Variants in ATP8B4 observed in about 807,000 individuals in gnomAD.
ATP8B4 encodes probable phospholipid-transporting ATPase IM.
In ATP8B4, 133 loss-of-function variants were observed where a neutral mutation model predicts 145.6. The ratio of observed to expected loss-of-function variants is 0.91; its 90% confidence interval spans 0.79 to 1.05. The LOEUF is 1.05. Ranked by LOEUF, ATP8B4 falls within the 50% of genes least tolerant of loss-of-function variation. ATP8B4 has a pLI of 0.00. For synonymous variants in ATP8B4, 507 were observed against 492.9 expected (o/e 1.03, Z -0.38); for missense variants, 1,458 against 1,425.2 (o/e 1.02, Z -0.37).
At chr15:50,111,496 C>G (rs2056940422) in intron 1 of ATP8B4, among the ~76,000 whole-genome samples, 1 of 152,174 alleles carries the variant, frequency 6.6e-6, no homozygotes, top group Non-Finnish European at 1.5e-5. Context: ...AATTATGGTC[C>G]AAAGTCTACA....
At chr15:50,027,576 C>T (rs2050108130) in intron 6 of ATP8B4, among the ~76,000 whole-genome samples, 2 of 152,204 alleles carry the variant, frequency 1.3e-5, no homozygotes, top group African/African-American at 4.8e-5. Flanking sequence ...TGTTTGTGTG[C>T]TCTCCTCCAT....
chr15:49,916,909 C>A lies in ATP8B4; in HGVS notation c.2141+25G>T, dbSNP rs74644953. 1,399 of 1,599,514 alleles carry A rather than the reference C, an allele frequency of 8.7e-4. 15 individuals are homozygous for A. In the African/African-American group the frequency reaches 0.017, roughly 20 times the overall value. The stretch of plus-strand genomic sequence containing the variant: ...CCTCCCTCCCTCTCGTCCTTCCATC[C>A]TTTCCTCCTTCCTTCAACACCTACC... On this transcript the variant is annotated intron_variant, in intron 20 of 27. Coordinates refer to ENST00000284509, the MANE Select transcript of ATP8B4 (RefSeq NM_024837.4).
chr15:49,941,270 G>A (rs1467406390), intron 14 of ATP8B4, among the ~76,000 whole-genome samples: 2 of 152,122 alleles, frequency 1.3e-5, no homozygotes, highest in Non-Finnish European at 2.9e-5. Flanking sequence ...GTCAAGAGGA[G>A]GTTCCTGGAC....
At chr15:49,881,622 C>T (rs563285697) in intron 23 of ATP8B4, among the ~76,000 whole-genome samples, 7 of 152,266 alleles carry the variant, frequency 4.6e-5, no homozygotes, top group African/African-American at 9.6e-5. Flanking sequence ...ATGAGAGAAC[C>T]TGCAGAAGGG....
rs191557346 is a variant in ATP8B4 at position 49,930,846 on chromosome 15, T to C, written c.1642+273A>G. ...TAATTCATGGAGAGCATTTTTGTGG[T>C]TTATTTTTAAAATTTTTTTATATTT... On this transcript the variant is annotated intron_variant, in intron 16 of 27. Transcript: ENST00000284509. 2.2e-3 allele frequency among the ~76,000 whole-genome samples: 337 copies of C among 152,182 alleles called. 1 individual carries two copies. The highest frequency in any genetic ancestry group is 7.8e-3 in the African/African-American group (325 of 41,542).
intron 1 of ATP8B4, among the ~76,000 whole-genome samples, chr15:50,170,061 T>C (rs2044649329): frequency 6.6e-6 from 1 of 152,104 alleles, no homozygotes; most frequent in African/African-American, 2.4e-5. Flanking sequence ...AACTCATCAG[T>C]GTACCTGAGG....
chr15:50,169,738 G>T (rs1459341185), intron 1 of ATP8B4, among the ~76,000 whole-genome samples: 2 of 152,146 alleles, frequency 1.3e-5, no homozygotes, highest in Non-Finnish European at 2.9e-5. Flanking sequence ...ATCTGGGAGG[G>T]ACCAGAGAAA....
intron 10 of ATP8B4, among the ~76,000 whole-genome samples, chr15:49,986,692 GA>G (rs1319449847): frequency 6.6e-6 from 1 of 152,202 alleles, no homozygotes; most frequent in Non-Finnish European, 1.5e-5. Flanking sequence ...CAATAAACAG[GA>G]CTTTTAAAAT....
chr15:50,080,145 C>G (rs1046207226), intron 2 of ATP8B4, among the ~76,000 whole-genome samples: 1 of 152,130 alleles, frequency 6.6e-6, no homozygotes, highest in Non-Finnish European at 1.5e-5. Context: ...ACGATAATAA[C>G]CTTAAATCCC....
At chr15:49,919,670 G>T (rs1186541318) in intron 18 of ATP8B4, among the ~76,000 whole-genome samples, 1 of 152,092 alleles carries the variant, frequency 6.6e-6, no homozygotes, top group Non-Finnish European at 1.5e-5. Flanking sequence ...GCCCACCTCG[G>T]CCTCCTGAAG....
At chr15:50,080,636 T>C (rs192521053) in intron 2 of ATP8B4, among the ~76,000 whole-genome samples, 2 of 152,168 alleles carry the variant, frequency 1.3e-5, no homozygotes, top group African/African-American at 4.8e-5. Context: ...TCTCACTATG[T>C]TGCTTAGGCT....
chr15:50,121,912 A>G (rs577992649), upstream of ATP8B4, among the ~76,000 whole-genome samples: 1 of 152,306 alleles, frequency 6.6e-6, no homozygotes, highest in South Asian at 2.1e-4. Flanking sequence ...AGGAATTTTA[A>G]TTAAGTATCT....
intron 6 of ATP8B4, among the ~76,000 whole-genome samples, chr15:50,027,269 G>T (rs1177121974): frequency 6.6e-6 from 1 of 152,124 alleles, no homozygotes; most frequent in Non-Finnish European, 1.5e-5. Context: ...TCTTCCCCTA[G>T]ACCCCAGACT....
At position 49,859,584 on chromosome 15, in the gene ATP8B4, G is replaced by A. The variant is rs541881411; in HGVS notation, c.*610C>T. On this transcript the variant is annotated 3_prime_UTR_variant, in exon 28 of 28. Coordinates refer to ENST00000284509, the MANE Select transcript of ATP8B4 (RefSeq NM_024837.4). ...AGATGTTCAGTCTCCTTTGTCCCTA[G>A]ACTGGTATAAAAATGAGAAACACAA... 6.6e-6 allele frequency: 1 copy of A among 152,322 alleles called. No individual in the cohort carries two copies. Among genetic ancestry groups the A allele is most frequent in the Admixed American group, 6.5e-5 (1 of 15,272 alleles). The allele number at this position is 152,322 out of a possible 1,614,324, so 9.4% of individuals were successfully genotyped here. A position where few individuals can be genotyped will look rare whatever the true frequency, so the allele number is the denominator to read the frequency against.
intron 14 of ATP8B4, among the ~76,000 whole-genome samples, chr15:49,935,056 G>A (rs1475602791): frequency 6.6e-6 from 1 of 152,036 alleles, no homozygotes; most frequent in African/African-American, 2.4e-5. Context: ...CTTTTTTAAA[G>A]AGAAACAATG....
rs375016233 is a variant in ATP8B4 at position 50,128,764 on chromosome 15, T to A, written c.-42-21756A>T. On this transcript the variant is annotated intron_variant, in intron 1 of 3. Transcript: ENST00000558829. ...TTAGTGAAAAAGGACAGATCCTTTG[T>A]AAAAAGTTAAGTAGGCTGGGCGCAG... 2.7e-3 allele frequency among the ~76,000 whole-genome samples: 415 copies of A among 152,294 alleles called. 1 individual carries two copies. Among genetic ancestry groups the A allele is most frequent in the African/African-American group, 9.4e-3 (392 of 41,570 alleles).
intron 8 of ATP8B4, among the ~76,000 whole-genome samples, chr15:50,000,416 G>A (rs1439088845): frequency 7.3e-5 from 11 of 151,132 alleles, no homozygotes; most frequent in African/African-American, 2.2e-4. Context: ...AGATCTTATT[G>A]TAGTTTTAGC....
At chr15:49,905,496 C>T (rs996954884) in intron 20 of ATP8B4, among the ~76,000 whole-genome samples, 15 of 152,076 alleles carry the variant, frequency 9.9e-5, no homozygotes, top group African/African-American at 3.6e-4. Flanking sequence ...TGCCATTTTA[C>T]CCTCAGTCCT....
intron 9 of ATP8B4, 144 bp from the exon 10 acceptor site, chr15:49,987,693 G>C: frequency 3.7e-6 from 3 of 819,584 alleles, no homozygotes; most frequent in Non-Finnish European, 5.3e-6. Flanking sequence ...AAAAAAATAA[G>C]CTGGGAGGTA....
Sources: allele counts gnomAD v4.1 joint callset (sites outside exome capture counted in the v4.1 genomes callset), GRCh38; gene constraint gnomAD v4.1.1; transcripts MANE v1.5; gene names NCBI Gene and HGNC (gene_info 2026-07-23, HGNC 2026-07-21).